The following PBLD variants were observed in gnomAD, a reference collection of about 807,000 sequenced individuals.
PBLD encodes the protein phenazine biosynthesis like protein domain containing.
A neutral mutation model predicts 31.3 loss-of-function variants in PBLD; 26 were observed. That is an observed-to-expected ratio of 0.83 (90% CI 0.61 to 1.15). The LOEUF is 1.15. Ranked by LOEUF, PBLD falls within the 50% of genes most tolerant of loss-of-function variation. The pLI, the probability that PBLD is intolerant of heterozygous loss-of-function variation, is 0.00. For missense variants in PBLD, 307 were observed against 351.7 expected (o/e 0.87, Z 1.02); for synonymous variants, 114 against 129.0 (o/e 0.88, Z 0.79).
intron 1 of PBLD, among the ~76,000 whole-genome samples, chr10:68,319,182 A>G (rs994529567): frequency 2.0e-5 from 3 of 151,256 alleles, no homozygotes; most frequent in Admixed American, 6.6e-5. Flanking sequence ...GACTCCACTG[A>G]TGGAGAGTGA....
chr10:68,319,463 G>C (rs933676924), intron 1 of PBLD, among the ~76,000 whole-genome samples: 9 of 152,154 alleles, frequency 5.9e-5, no homozygotes, highest in Admixed American at 1.3e-4. Context: ...CAGGTGGATT[G>C]CTTGAGGCCA....
At chr10:68,301,861 T>C (rs2044510229) in intron 2 of PBLD, among the ~76,000 whole-genome samples, 2 of 152,236 alleles carry the variant, frequency 1.3e-5, no homozygotes, top group African/African-American at 4.8e-5. Context: ...ACTGCATTTC[T>C]TGCAATTTGA....
At chr10:68,286,464 ACT>A (rs2044289752) in intron 8 of PBLD, among the ~76,000 whole-genome samples, 2 of 151,722 alleles carry the variant, frequency 1.3e-5, no homozygotes. Flanking sequence ...AAAGGTGGAA[ACT>A]CTGAAAAAAG....
rs1172558205 is a variant in PBLD at position 68,285,185 on chromosome 10, T to TA, written c.754+162_754+163insT. 1.6e-5 allele frequency: 24 copies of TA among 1,469,732 alleles called. No homozygotes were observed. The African/African-American group carries it at 3.3e-4, about 20-fold the overall frequency. The allele number at this position is 1,469,732 out of a possible 1,614,324, so 91.0% of individuals were successfully genotyped here. The stretch of plus-strand genomic sequence containing the variant: ...GGGGGAGGCAGAGGTGAAGGCTGTT[T>TA]GGGGTGGAGGATCTTTAAGGGTGAA... On this transcript the variant is annotated intron_variant, in intron 9 of 9. Transcript: ENST00000358769.
At chr10:68,315,094 C>G (rs575076227) in intron 1 of PBLD, among the ~76,000 whole-genome samples, 1 of 152,138 alleles carries the variant, frequency 6.6e-6, no homozygotes, top group Non-Finnish European at 1.5e-5. Context: ...CCGGCTGTGG[C>G]TTGTCTTTAT....
chr10:68,305,376 G>A (rs899757371), intron 2 of PBLD, among the ~76,000 whole-genome samples: 42 of 147,460 alleles, frequency 2.8e-4, no homozygotes, highest in African/African-American at 1.0e-3. Context: ...GCCTCCCAAA[G>A]TACTAGGATT....
intron 2 of PBLD, among the ~76,000 whole-genome samples, chr10:68,306,156 A>ACATT (rs1554858914): frequency 2.6e-5 from 4 of 151,628 alleles, no homozygotes. Flanking sequence ...TATCTATTTA[A>ACATT]CTATTAATAT....
chr10:68,308,878 G>GTGTGTGTGTGTGTA (rs1207525899), intron 1 of PBLD, among the ~76,000 whole-genome samples: 1 of 149,062 alleles, frequency 6.7e-6, no homozygotes, highest in Non-Finnish European at 1.5e-5. Context: ...GTGTGTGTGT[G>GTGTGTGTGTGTGTA]TGTTTGTGTG....
At chr10:68,289,176 G>A (rs1302796253) in intron 6 of PBLD, among the ~76,000 whole-genome samples, 157 bp from the exon 7 acceptor site, 1 of 152,148 alleles carries the variant, frequency 6.6e-6, no homozygotes, top group Non-Finnish European at 1.5e-5. Context: ...CAGAGCTTAA[G>A]GTGTTGCCCA....
At chr10:68,288,690 A>T (rs2044318502) in intron 7 of PBLD, 29 bp from the exon 8 acceptor site, 1 of 1,606,394 alleles carries the variant, frequency 6.2e-7, no homozygotes, top group Non-Finnish European at 8.5e-7. Context: ...GGATTAGGAC[A>T]AACCCATTTC....
chr10:68,327,503 C>A (rs1027686928), intron 1 of PBLD, among the ~76,000 whole-genome samples: 1 of 151,688 alleles, frequency 6.6e-6, no homozygotes, highest in Non-Finnish European at 1.5e-5. Flanking sequence ...CATGGTGAAA[C>A]CCCGTCTCTA....
At chr10:68,286,356 G>A (rs1041997188) in intron 8 of PBLD, among the ~76,000 whole-genome samples, 1 of 152,118 alleles carries the variant, frequency 6.6e-6, no homozygotes, top group Non-Finnish European at 1.5e-5. Flanking sequence ...TCAAAGGGCT[G>A]GGATTACAGG....
intron 4 of PBLD, 127 bp downstream of exon 4, chr10:68,296,139 G>A: frequency 1.5e-6 from 1 of 658,084 alleles, no homozygotes; most frequent in Non-Finnish European, 2.5e-6. Flanking sequence ...ATTATGAATA[G>A]CATGAAGTAA....
At chr10:68,318,375 TAAAAAAAAAAAA>T (rs34722771) in intron 1 of PBLD, among the ~76,000 whole-genome samples, 3 of 51,274 alleles carry the variant, frequency 5.9e-5, no homozygotes, top group Admixed American at 6.5e-4. Flanking sequence ...CTGCCTCTAT[TAAAAAAAAAAAA>T]AAAAAAAAAA....
chr10:68,305,775 A>ACAAAG (rs961041834), intron 2 of PBLD, among the ~76,000 whole-genome samples: 2 of 151,970 alleles, frequency 1.3e-5, no homozygotes, highest in African/African-American at 4.8e-5. Context: ...ACAAAACAAA[A>ACAAAG]AAACACTGCT....
intron 9 of PBLD, 103 bp from the exon 10 acceptor site, chr10:68,284,392 T>C: frequency 1.0e-6 from 1 of 980,610 alleles, no homozygotes; most frequent in Non-Finnish European, 1.5e-6. Context: ...CCCAGATCAG[T>C]TTCAAGAATA....
At chr10:68,300,010 C>A (rs2044484402) in intron 2 of PBLD, among the ~76,000 whole-genome samples, 1 of 152,154 alleles carries the variant, frequency 6.6e-6, no homozygotes, top group East Asian at 1.9e-4. Context: ...CTCATCTCAG[C>A]CTCCTGAGTA....
At chr10:68,288,696 A>G in intron 7 of PBLD, 35 bp from the exon 8 acceptor site, 1 of 1,600,158 alleles carries the variant, frequency 6.2e-7, no homozygotes, top group Non-Finnish European at 8.5e-7. Flanking sequence ...GGACAAACCC[A>G]TTTCACAGCC....
intron 2 of PBLD, among the ~76,000 whole-genome samples, chr10:68,302,784 T>A (rs2044521345): frequency 1.3e-5 from 2 of 149,246 alleles, no homozygotes; most frequent in African/African-American, 5.0e-5. Flanking sequence ...AAGGCTGCAG[T>A]GAGCTATAAT....
Sources: gnomAD v4.1 joint callset for allele counts (sites outside exome capture counted in the v4.1 genomes callset) on GRCh38, gnomAD v4.1.1 for gene constraint, MANE v1.5 for transcripts, NCBI Gene and HGNC (gene_info 2026-07-23, HGNC 2026-07-21) for gene names.